Variants in TRIO observed in about 807,000 individuals in gnomAD.
The protein encoded by TRIO is trio Rho guanine nucleotide exchange factor.
In TRIO, 58 loss-of-function variants were observed where a neutral mutation model predicts 351.9. That is an observed-to-expected ratio of 0.16 (90% confidence interval 0.13 to 0.21). The LOEUF (loss-of-function observed/expected upper bound fraction) is 0.21. Among genes scored for constraint, TRIO ranks in the 10% least tolerant of loss-of-function variants. TRIO has a pLI of 1.00. For missense variants in TRIO, 3,201 were observed against 4,027.8 expected, an observed-to-expected ratio of 0.79 and a Z score of 5.56; for synonymous variants, 1,758 against 1,595.7, an observed-to-expected ratio of 1.10 and a Z score of -2.42.
chr5:14,326,903 G>T (rs1218399458), intron 9 of TRIO, among the ~76,000 whole-genome samples: 1 of 152,126 alleles, frequency 6.6e-6, no homozygotes, highest in Non-Finnish European at 1.5e-5. Context: ...TTGAATATTA[G>T]CTGGATTTCA....
At chr5:14,316,028 T>G (rs1326015952) in intron 8 of TRIO, among the ~76,000 whole-genome samples, 2 of 151,896 alleles carry the variant, frequency 1.3e-5, no homozygotes, top group Non-Finnish European at 2.9e-5. Context: ...GCTAGATTGA[T>G]TTTTTTGTTT....
intron 34 of TRIO, among the ~76,000 whole-genome samples, chr5:14,449,805 C>T (rs1006399996): frequency 3.3e-5 from 5 of 152,192 alleles, no homozygotes; most frequent in Non-Finnish European, 7.3e-5. Flanking sequence ...TTCACTTTGG[C>T]AATATGTGAG....
At chr5:14,504,721 C>G in intron 55 of TRIO, 128 bp downstream of exon 55, 1 of 1,191,760 alleles carries the variant, frequency 8.4e-7, no homozygotes, top group Non-Finnish European at 1.2e-6. Context: ...TAAAAAACAT[C>G]TTCACTGTCA....
At position 14,487,959 on chromosome 5, in the gene TRIO, T is replaced by C. The variant is rs1439606868; in HGVS notation, c.7331T>C (p.Leu2444Pro). ...AKDARASLGTLPLGKPRAGAA... is the reference protein window; with the variant it reads ...AKDARASLGTPPLGKPRAGAA... ...GACGCGCGCGCTAGCCTGGGCACCC[T>C]GCCGCTTGGGAAGCCCCGGGCCGGG... Residue 2444 changes from leucine to proline, a missense_variant, in exon 48 of 57, where the codon CTG becomes CCG. Around this residue, in one of 19 missense-constraint regions of TRIO, gnomAD observed 1,089 missense variants for 954.9 expected, o/e 1.14. Transcript: ENST00000344204. The C allele has an allele frequency of 6.4e-7, 1 of 1,550,464 alleles. No homozygotes were observed. Among genetic ancestry groups the C allele is most frequent in the Admixed American group, 1.9e-5 (1 of 51,580 alleles).
chr5:14,301,377 A>G (rs578244434), intron 7 of TRIO, among the ~76,000 whole-genome samples: 71 of 152,180 alleles, frequency 4.7e-4, no homozygotes, highest in African/African-American at 1.7e-3. Context: ...TCCTGCCTTT[A>G]TCCCCAGTCC....
chr5:14,324,440 C>T (rs1010938534), intron 9 of TRIO, among the ~76,000 whole-genome samples: 2 of 152,132 alleles, frequency 1.3e-5, no homozygotes, highest in Non-Finnish European at 2.9e-5. Flanking sequence ...AGATGATTAT[C>T]TATTTTCTCT....
chr5:14,497,794 A>G lies in TRIO; in HGVS notation c.8020-53A>G, dbSNP rs2126680064. On this transcript the variant is annotated intron_variant, in intron 50 of 56. Transcript: ENST00000344204. The surrounding 1 kb of genome is among the most constrained non-coding windows in gnomAD (Gnocchi z 4.4). ...ATTGTAGCCCTGGAATGAAAGGAAT[A>G]CACCTTAAAGTAGCTCATTTCAGTT... 4 of 1,610,032 alleles carry G rather than the reference A, an allele frequency of 2.5e-6. No homozygotes were observed. Among genetic ancestry groups the G allele is most frequent in the Non-Finnish European group, 3.4e-6 (4 of 1,176,294 alleles).
At chr5:14,392,338 C>T (rs574610555) in intron 27 of TRIO, among the ~76,000 whole-genome samples, 1 of 152,222 alleles carries the variant, frequency 6.6e-6, no homozygotes, top group South Asian at 2.1e-4. Flanking sequence ...AAAAACTCAT[C>T]ATCACTGGTC....
intron 52 of TRIO, 84 bp downstream of exon 52, chr5:14,498,335 A>G (rs1579837715): frequency 3.2e-6 from 5 of 1,560,278 alleles, no homozygotes; most frequent in East Asian, 4.7e-5. Context: ...TCCTTCACGG[A>G]TGGATTTCTT....
intron 48 of TRIO, chr5:14,492,235 C>T (rs1323823629): frequency 2.1e-5 from 7 of 332,950 alleles, no homozygotes; most frequent in South Asian, 8.0e-5. Flanking sequence ...AGTAACCTAA[C>T]GTGGCGTCAG....
chr5:14,212,965 G>T (rs1357789164), intron 1 of TRIO, among the ~76,000 whole-genome samples: 2 of 152,146 alleles, frequency 1.3e-5, no homozygotes, highest in African/African-American at 4.8e-5. Flanking sequence ...ACTCATGGCC[G>T]GATCTGATTT....
At chr5:14,252,580 A>G (rs1429746960) in intron 1 of TRIO, among the ~76,000 whole-genome samples, 3 of 152,234 alleles carry the variant, frequency 2.0e-5, no homozygotes, top group Non-Finnish European at 4.4e-5. Flanking sequence ...CATAAAAAGA[A>G]CAAAAGATTG....
At chr5:14,419,198 C>A (rs1452666952) in intron 33 of TRIO, among the ~76,000 whole-genome samples, 3 of 151,970 alleles carry the variant, frequency 2.0e-5, no homozygotes, top group Non-Finnish European at 4.4e-5. Context: ...TAGAAGGAAT[C>A]TGAGGGCAGA....
At chr5:14,327,576 A>T (rs760735965) in intron 9 of TRIO, among the ~76,000 whole-genome samples, 1 of 152,120 alleles carries the variant, frequency 6.6e-6, no homozygotes, top group East Asian at 1.9e-4. Context: ...TCAAGTCTCT[A>T]TGGACTTTCC....
chr5:14,272,385 A>C (rs1796026805), intron 2 of TRIO, among the ~76,000 whole-genome samples: 1 of 152,192 alleles, frequency 6.6e-6, no homozygotes, highest in Admixed American at 6.5e-5. Context: ...TGGACATGTG[A>C]AGAAAGGTGG....
intron 40 of TRIO, among the ~76,000 whole-genome samples, chr5:14,476,420 G>A (rs753996729): frequency 1.3e-5 from 2 of 152,140 alleles, no homozygotes; most frequent in African/African-American, 4.8e-5. Flanking sequence ...GGTTTTCCTT[G>A]TACTTGTTAA....
intron 4 of TRIO, 106 bp from the exon 5 acceptor site, chr5:14,290,610 G>T: frequency 8.6e-7 from 1 of 1,165,552 alleles, no homozygotes; most frequent in South Asian, 1.6e-5. Flanking sequence ...TCTATAAATA[G>T]ATTACTTTAA....
chr5:14,464,173 A>G (rs26189), intron 36 of TRIO, among the ~76,000 whole-genome samples: 139,876 of 152,240 alleles, frequency 0.92, 64,350 homozygotes, highest in East Asian at 1. Flanking sequence ...GGGCTGTGTG[A>G]TTTCTGTGAT....
chr5:14,425,796 C>T (rs533313510), intron 34 of TRIO, among the ~76,000 whole-genome samples: 8 of 152,140 alleles, frequency 5.3e-5, no homozygotes, highest in Non-Finnish European at 1.0e-4. Flanking sequence ...CAGAAGGCAC[C>T]GTCTTTGAGG....
Sources: gnomAD v4.1 joint callset for allele counts (sites outside exome capture counted in the v4.1 genomes callset) on GRCh38, gnomAD v4.1.1 for gene constraint, gnomAD v4.1.1 regional missense constraint, Gnocchi (gnomAD v3.1) non-coding constraint, MANE v1.5 for transcripts, NCBI Gene and HGNC (gene_info 2026-07-23, HGNC 2026-07-21) for gene names.